MNT: variants seen among roughly 807,000 people sequenced by gnomAD.
MNT encodes the protein max-binding protein MNT.
Under a neutral mutation model 40.7 loss-of-function variants are expected in MNT, and 13 were observed. The observed-to-expected ratio is 0.32, with a 90% CI of 0.21 to 0.51. The LOEUF is 0.51. Ranked by LOEUF, MNT falls within the 20% of genes least tolerant of loss-of-function variation. MNT has a pLI of 0.98. For missense variants in MNT, 757 were observed against 792.0 expected (o/e 0.96, Z 0.53); for synonymous variants, 426 against 354.8 (o/e 1.20, Z -2.26).
intron 1 of MNT, among the ~76,000 whole-genome samples, chr17:2,399,437 G>T (rs1021465966): frequency 6.6e-6 from 1 of 152,186 alleles, no homozygotes; most frequent in Non-Finnish European, 1.5e-5. Context: ...ACGTTTTGGG[G>T]GTCAGTGGAA....
Position 2,387,559 on chromosome 17 carries a change from A to G in MNT, c.1091T>C (p.Leu364Pro), listed in dbSNP as rs769815832. ...GCTGGGGGGTGGCAGGGTGGACTTC[A>G]GCAGCTCCGGCTGGGGACGATGGCT... ...KLSHRPQPELLKSTLPPPSTT... is the reference protein window; with the variant it reads ...KLSHRPQPELPKSTLPPPSTT... The change falls in exon 6 of 6, where the codon CTG becomes CCG. Residue 364 changes from leucine (L) to proline (P), a missense_variant. Physicochemically the swap from Leu to Pro is moderately conservative, Grantham distance 98. Coordinates refer to ENST00000174618, the MANE Select transcript of MNT (RefSeq NM_020310.3). 2 of 1,613,958 alleles carry G rather than the reference A, an allele frequency of 1.2e-6. No individual in the cohort carries two copies. The highest frequency in any genetic ancestry group is 2.2e-5 in the South Asian group (2 of 91,076).
chr17:2,387,757 C>A, intron 5 of MNT, 100 bp downstream of exon 5: 1 of 1,549,148 alleles, frequency 6.5e-7, no homozygotes. Flanking sequence ...GGGGCCAGGG[C>A]CATCTTTTCT....
Position 2,387,073 on chromosome 17 carries a change from T to C in MNT, c.1577A>G (p.His526Arg). The C allele has an allele frequency of 6.4e-7, 1 of 1,567,200 alleles. No individual in the cohort carries two copies. Among genetic ancestry groups the C allele is most frequent in the East Asian group, 2.3e-5 (1 of 42,604 alleles). The change falls in exon 6 of 6, where the codon CAC becomes CGC. Residue 526 changes from histidine (H) to arginine (R), a missense_variant. By Grantham distance (29) the His-to-Arg change is conservative. Transcript: ENST00000174618. ...GCCGGCCGTGCCGTTGACTTGCTGGTGCGAGAGGGTGTGGGCGATGTGGCT... is the reference window on the plus strand; with the variant it reads ...GCCGGCCGTGCCGTTGACTTGCTGGCGCGAGAGGGTGTGGGCGATGTGGCT... The part of the protein sequence containing the change: ...AVSHIAHTLS[H>R]QQVNGTAGLG...
chr17:2,395,038 T>G lies in MNT; in HGVS notation c.490A>C (p.Lys164Gln). Residue 164 changes from lysine to glutamine, a missense_variant, in exon 2 of 6, where the codon AAG becomes CAG. Lys to Gln is a moderately conservative substitution (Grantham distance 53). Around this residue, in one of 4 missense-constraint regions of MNT, gnomAD observed 335 missense variants for 291.4 expected, o/e 1.15. Coordinates refer to ENST00000174618, the MANE Select transcript of MNT (RefSeq NM_020310.3). ...GGCGTGGGGAGGGGCTGCAAAGGCT[T>G]GGGGCTGCCATTGGGTGGAATGGTG... ...KATIPPNGSP[K>Q]PLQPLPTPVL... The G allele has an allele frequency of 6.3e-7, 1 of 1,586,068 alleles. No homozygotes were observed. Among genetic ancestry groups the G allele is most frequent in the East Asian group, 2.3e-5 (1 of 44,322 alleles).
At chr17:2,392,967 G>A (rs1243807960) in intron 4 of MNT, among the ~76,000 whole-genome samples, 2 of 152,160 alleles carry the variant, frequency 1.3e-5, no homozygotes, top group African/African-American at 4.8e-5. Flanking sequence ...GTCAGGCTCC[G>A]GTTACCTCAG....
Position 2,395,117 on chromosome 17 carries a change from C to T in MNT, c.411G>A (p.Leu137=). The change falls in exon 2 of 6, where the codon CTG becomes CTA. Residue 137 remains leucine, a synonymous_variant. Transcript: ENST00000174618. ...PGLSIKEPAP[L]PSRPQVPTPA... ...GGGTGGGCACCTGCGGCCTGCTGGG[C>T]AGGGGGGCAGGCTCCTTAATGCTGA... 1 of 1,479,324 alleles carries T rather than the reference C, an allele frequency of 6.8e-7. No individual in the cohort carries two copies. The allele number at this position is 1,479,324 out of a possible 1,614,324, so 91.6% of individuals were successfully genotyped here. A position where few individuals can be genotyped will look rare whatever the true frequency, so the allele number is the denominator to read the frequency against.
chr17:2,388,103 C>T lies in MNT; in HGVS notation c.808-54G>A. 2 of 1,477,696 alleles carry T rather than the reference C, an allele frequency of 1.4e-6. 1 individual carries two copies. The highest frequency in any genetic ancestry group is 2.6e-5 in the South Asian group (2 of 76,814). The allele number at this position is 1,477,696 out of a possible 1,614,324, so 91.5% of individuals were successfully genotyped here. On this transcript the variant is annotated intron_variant, in intron 4 of 5. Transcript: ENST00000174618. ...CACCCTGAGCAGCAGCCTTGGGGCC[C>T]AAAGCCCCCACAAACCTCTCCCTAT...
chr17:2,387,807 G>A, intron 5 of MNT, 50 bp downstream of exon 5: 1 of 1,557,794 alleles, frequency 6.4e-7, no homozygotes, highest in Non-Finnish European at 8.7e-7. Context: ...GCTGGAATTT[G>A]AGGTGTAACA....
intron 4 of MNT, among the ~76,000 whole-genome samples, chr17:2,388,837 C>T (rs1461258079): frequency 6.6e-6 from 1 of 152,170 alleles, no homozygotes; most frequent in Non-Finnish European, 1.5e-5. Context: ...TCACAGACCT[C>T]CCTGCTGGCA....
chr17:2,393,957 T>G, intron 4 of MNT, 86 bp downstream of exon 4: 1 of 787,858 alleles, frequency 1.3e-6, no homozygotes, highest in Non-Finnish European at 1.8e-6. Context: ...CGCCGGGGCG[T>G]GAGGGCGGGG....
chr17:2,395,318 C>T lies in MNT; in HGVS notation c.210G>A (p.Pro70=), dbSNP rs1597421356. ...GTGGTGGGGGTGCCGGCGGGGGAGC[C>T]GGTGGAGACAGAGGCAGGGGTGGCG... is the stretch of plus-strand genomic sequence containing the variant. The part of the protein sequence containing the change: ...MEAPPLPLSP[P]APPPAPPPPL... Residue 70 remains proline (P), a synonymous_variant, in exon 2 of 6, where the codon CCG becomes CCA. Coordinates refer to ENST00000174618, the MANE Select transcript of MNT (RefSeq NM_020310.3). The T allele has an allele frequency of 1.2e-6, 2 of 1,605,222 alleles. No individual in the cohort carries two copies. Among genetic ancestry groups the T allele is most frequent in the South Asian group, 1.1e-5 (1 of 90,586 alleles).
intron 4 of MNT, among the ~76,000 whole-genome samples, chr17:2,393,334 G>A (rs977562803): frequency 2.0e-5 from 3 of 152,174 alleles, no homozygotes; most frequent in African/African-American, 7.2e-5. Flanking sequence ...GCACTGCAGA[G>A]GGAGCGACGC....
At chr17:2,392,539 C>T (rs1470221305) in intron 4 of MNT, among the ~76,000 whole-genome samples, 1 of 152,246 alleles carries the variant, frequency 6.6e-6, no homozygotes, top group Non-Finnish European at 1.5e-5. Context: ...GGGAGTGCAG[C>T]GAAGTGTCTG....
rs952430951 is a variant in MNT, at chr17:2,386,732, C to A, written c.*169G>T. On this transcript the variant is annotated 3_prime_UTR_variant, in exon 6 of 6. Transcript: ENST00000174618. ...CCAAGTCCTAGTGCAGCAGGGTGGC[C>A]CTTCCCTCCCTTGGCTCAGAGTCTT... 5 of 625,206 alleles carry A rather than the reference C, an allele frequency of 8.0e-6. No individual in the cohort carries two copies. The Admixed American group carries it at 1.8e-4, about 22-fold the overall frequency. The allele number at this position is 625,206 out of a possible 1,614,324, so 38.7% of individuals were successfully genotyped here.
rs557115548 is a variant in MNT at position 2,386,186 on chromosome 17, A to C, written c.*715T>G. 1 of 152,420 alleles carries C rather than the reference A, an allele frequency of 6.6e-6. No individual in the cohort carries two copies. Among genetic ancestry groups the C allele is most frequent in the Non-Finnish European group, 1.5e-5 (1 of 68,068 alleles). The allele number at this position is 152,420 out of a possible 1,614,324, so 9.4% of individuals were successfully genotyped here. A position where few individuals can be genotyped will look rare whatever the true frequency, so the allele number is the denominator to read the frequency against. On this transcript the variant is annotated 3_prime_UTR_variant, in exon 6 of 6. Coordinates refer to ENST00000174618, the MANE Select transcript of MNT (RefSeq NM_020310.3). ...CTCCTGAGGTCCAGAGCCCAGTGGC[A>C]GGGATTGGGGTGAGGGCACAGGAAG...
intron 1 of MNT, among the ~76,000 whole-genome samples, chr17:2,400,115 G>A (rs1181756444): frequency 6.6e-6 from 1 of 152,208 alleles, no homozygotes; most frequent in African/African-American, 2.4e-5. Context: ...ACGGGGCCAG[G>A]GAAGCCGAAG....
At chr17:2,399,755 A>C (rs1396861099) in intron 1 of MNT, among the ~76,000 whole-genome samples, 5 of 152,160 alleles carry the variant, frequency 3.3e-5, no homozygotes, top group Non-Finnish European at 7.4e-5. Context: ...GAGCCCGTCC[A>C]CGTCACCACC....
intron 1 of MNT, among the ~76,000 whole-genome samples, chr17:2,399,536 C>G (rs1460013871): frequency 1.3e-5 from 2 of 152,182 alleles, no homozygotes; most frequent in African/African-American, 2.4e-5. Flanking sequence ...GGGCCAGAGC[C>G]GACAGGTGAG....
At chr17:2,399,618 C>T (rs947185488) in intron 1 of MNT, among the ~76,000 whole-genome samples, 2 of 152,088 alleles carry the variant, frequency 1.3e-5, no homozygotes, top group African/African-American at 4.8e-5. Context: ...GGCCCAGGCC[C>T]AACCCAGCGC....
Sources: gnomAD v4.1 joint callset for allele counts (sites outside exome capture counted in the v4.1 genomes callset) on GRCh38, gnomAD v4.1.1 for gene constraint, gnomAD v4.1.1 regional missense constraint, MANE v1.5 for transcripts, NCBI Gene and HGNC (gene_info 2026-07-23, HGNC 2026-07-21) for gene names.